Variants in NOVA1 observed in about 807,000 individuals in gnomAD.
The protein encoded by NOVA1 is NOVA alternative splicing regulator 1.
A neutral mutation model predicts 38.0 loss-of-function variants in NOVA1; 7 were observed. The observed-to-expected ratio is 0.18, with a 90% CI of 0.10 to 0.35. The LOEUF is 0.35. NOVA1 is among the 10% of genes least tolerant of loss of function. The probability of loss-of-function intolerance (pLI) is 1.00; values close to 1 mark genes in which losing one functional copy is unlikely to be tolerated. For missense variants in NOVA1, 460 were observed against 616.0 expected, an observed-to-expected ratio of 0.75 and a Z score of 2.68; for synonymous variants, 270 against 232.5, an observed-to-expected ratio of 1.16 and a Z score of -1.47.
intron 2 of NOVA1, among the ~76,000 whole-genome samples, chr14:26,484,278 C>CA (rs5807364): frequency 0.023 from 3,396 of 148,730 alleles, 100 homozygotes; most frequent in African/African-American, 0.075. Flanking sequence ...ACTAAAAATA[C>CA]AAAAAAAAAT....
chr14:26,453,705 A>G (rs1015636740), intron 4 of NOVA1, among the ~76,000 whole-genome samples: 1 of 152,190 alleles, frequency 6.6e-6, no homozygotes, highest in Non-Finnish European at 1.5e-5. Context: ...TAAAGGAATG[A>G]GACTACCTAT....
chr14:26,570,459 C>T (rs1190789608), intron 2 of NOVA1, among the ~76,000 whole-genome samples: 1 of 151,198 alleles, frequency 6.6e-6, no homozygotes, highest in Non-Finnish European at 1.5e-5. Flanking sequence ...AAAATCCCAT[C>T]AATGGCAAAA....
intron 4 of NOVA1, among the ~76,000 whole-genome samples, chr14:26,464,834 G>A (rs2138220817): frequency 6.6e-6 from 1 of 152,106 alleles, no homozygotes; most frequent in South Asian, 2.1e-4. Context: ...TATCCATTAA[G>A]GGAGTGTTTC....
Position 26,462,981 on chromosome 14 carries a change from A to G in NOVA1, c.519+9339T>C, listed in dbSNP as rs1174192985. The stretch of plus-strand genomic sequence containing the variant: ...TTCCTTGTCATCACTCTAATAATAC[A>G]TGAACAAAGTTCTTTGACTATTAAA... On this transcript the variant is annotated intron_variant, in intron 4 of 4. Transcript: ENST00000539517. 3.3e-5 allele frequency among the ~76,000 whole-genome samples: 5 copies of G among 152,316 alleles called. No individual in the cohort carries two copies. In the East Asian group the frequency reaches 9.6e-4, roughly 29 times the overall value.
chr14:26,576,101 T>C (rs1892821423), intron 2 of NOVA1, among the ~76,000 whole-genome samples: 1 of 151,838 alleles, frequency 6.6e-6, no homozygotes, highest in African/African-American at 2.4e-5. Context: ...AGATGAATTA[T>C]TGATTTAGCA....
At chr14:26,459,574 C>T (rs992407830) in intron 4 of NOVA1, among the ~76,000 whole-genome samples, 24 of 151,896 alleles carry the variant, frequency 1.6e-4, no homozygotes, top group Admixed American at 1.6e-3. Flanking sequence ...CAGAAAAGAA[C>T]ATTTAGAAAA....
At chr14:26,580,092 A>AG (rs1027799318) in intron 2 of NOVA1, among the ~76,000 whole-genome samples, 6 of 152,108 alleles carry the variant, frequency 3.9e-5, no homozygotes, top group Admixed American at 3.9e-4. Flanking sequence ...GCAAAAAAAA[A>AG]AGCTTTAAAA....
rs560764179 is a variant in NOVA1, at chr14:26,447,627, C to T, written c.*332G>A. The T allele has an allele frequency of 3.3e-6, 1 of 299,282 alleles. No homozygotes were observed. The highest frequency in any genetic ancestry group is 4.7e-5 in the Admixed American group (1 of 21,410). 18.5% of individuals were successfully genotyped at this position (299,282 alleles called of 1,614,324 possible). A position where few individuals can be genotyped will look rare whatever the true frequency, so the allele number is the denominator to read the frequency against. ...AATTTAGTGTTATCTAGAACTAATACTGAAAACTATACGCATATCCCTGTC... is the reference window on the plus strand; with the variant it reads ...AATTTAGTGTTATCTAGAACTAATATTGAAAACTATACGCATATCCCTGTC... On this transcript the variant is annotated 3_prime_UTR_variant, in exon 5 of 5. Transcript: ENST00000539517.
chr14:26,578,180 C>T (rs931563725), intron 2 of NOVA1, among the ~76,000 whole-genome samples: 8 of 152,012 alleles, frequency 5.3e-5, no homozygotes, highest in African/African-American at 1.7e-4. Flanking sequence ...CTACCAGTGA[C>T]TTTAACATGA....
intron 2 of NOVA1, among the ~76,000 whole-genome samples, chr14:26,576,803 T>C (rs147938317): frequency 6.6e-6 from 1 of 151,936 alleles, no homozygotes; most frequent in Non-Finnish European, 1.5e-5. Flanking sequence ...CGCATATACA[T>C]AGTGAAATGA....
chr14:26,498,591 G>T (rs930099154), intron 2 of NOVA1, among the ~76,000 whole-genome samples: 16 of 152,022 alleles, frequency 1.1e-4, no homozygotes, highest in Non-Finnish European at 4.4e-5. Flanking sequence ...GTTAAGCCAT[G>T]ATTACAGACA....
chr14:26,552,421 G>C (rs1891217882), intron 2 of NOVA1, among the ~76,000 whole-genome samples: 3 of 152,042 alleles, frequency 2.0e-5, no homozygotes. Context: ...GATTCAACTG[G>C]GGTGATGATA....
At chr14:26,586,888 A>C (rs561783292) in intron 2 of NOVA1, among the ~76,000 whole-genome samples, 1 of 149,966 alleles carries the variant, frequency 6.7e-6, no homozygotes, top group Non-Finnish European at 1.5e-5. Context: ...TGGCAAAATA[A>C]CCACTGGGCC....
Position 26,587,783 on chromosome 14 carries a change from GT to G in NOVA1, c.280+7626del, listed in dbSNP as rs142324642. On this transcript the variant is annotated intron_variant, in intron 2 of 4. Coordinates refer to ENST00000539517, the MANE Select transcript of NOVA1 (RefSeq NM_002515.3). ...CAACATAAAAAGAAAACAAAAACAT[GT>G]TTTTTTTTAAAATAGTAGGTACCCT... is the stretch of plus-strand genomic sequence containing the variant. Among the ~76,000 whole-genome samples, 171 of 149,966 alleles carry G rather than the reference GT, an allele frequency of 1.1e-3. No individual in the cohort carries two copies. The East Asian group carries it at 0.018, about 16-fold the overall frequency.
At chr14:26,491,006 C>A (rs1382285235) in intron 2 of NOVA1, among the ~76,000 whole-genome samples, 2 of 151,916 alleles carry the variant, frequency 1.3e-5, no homozygotes, top group African/African-American at 4.8e-5. Flanking sequence ...CCCGCCACCA[C>A]GCCCGGATAA....
intron 4 of NOVA1, among the ~76,000 whole-genome samples, chr14:26,461,845 C>G (rs371419678): frequency 3.3e-5 from 5 of 151,194 alleles, no homozygotes; most frequent in African/African-American, 1.2e-4. Flanking sequence ...GAGGCTGAGG[C>G]AGGAGAATCT....
intron 4 of NOVA1, among the ~76,000 whole-genome samples, chr14:26,464,654 C>T (rs17111258): frequency 0.23 from 34,859 of 151,904 alleles, 4,458 homozygotes; most frequent in East Asian, 0.33. Context: ...CTTTTATTAG[C>T]TGATTGATGG....
chr14:26,529,580 GTAATCTGTATCT>G (rs1435363718), intron 2 of NOVA1, among the ~76,000 whole-genome samples: 1 of 152,168 alleles, frequency 6.6e-6, no homozygotes, highest in Non-Finnish European at 1.5e-5. Context: ...TTAAATGCAG[GTAATCTGTATCT>G]TAGCAGAATG....
chr14:26,467,344 A>G (rs573869721), intron 4 of NOVA1, among the ~76,000 whole-genome samples: 4 of 152,356 alleles, frequency 2.6e-5, no homozygotes, highest in African/African-American at 9.6e-5. Flanking sequence ...TACTGGAATT[A>G]GCAAAGTGCT....
Sources: gnomAD v4.1 joint callset for allele counts (sites outside exome capture counted in the v4.1 genomes callset) on GRCh38, gnomAD v4.1.1 for gene constraint, MANE v1.5 for transcripts, NCBI Gene and HGNC (gene_info 2026-07-23, HGNC 2026-07-21) for gene names.